PPM1H: variants seen among roughly 807,000 people sequenced by gnomAD.
The protein encoded by PPM1H is protein phosphatase, Mg2+/Mn2+ dependent 1H, also known as protein phosphatase 1H.
PPM1H carries 27 observed loss-of-function variants against 54.9 expected under a neutral mutation model. The observed-to-expected ratio is 0.49, with a 90% CI of 0.36 to 0.68. PPM1H has a LOEUF of 0.68. Among genes scored for constraint, PPM1H ranks in the 30% least tolerant of loss-of-function variants. The probability of loss-of-function intolerance (pLI) is 0.00; values close to 1 mark genes in which losing one functional copy is unlikely to be tolerated. For synonymous variants in PPM1H, 305 were observed against 270.8 expected, an observed-to-expected ratio of 1.13 and a Z score of -1.24; for missense variants, 596 against 667.8, an observed-to-expected ratio of 0.89 and a Z score of 1.19.
intron 3 of PPM1H, 193 bp from the exon 4 acceptor site, chr12:62,788,531 AGACCATCT>A: frequency 2.1e-6 from 1 of 480,216 alleles, no homozygotes; most frequent in Non-Finnish European, 3.7e-6. Flanking sequence ...GCCACATATT[AGACCATCT>A]GTGAACCAGA....
At chr12:62,905,983 AAACTAG>A in intron 1 of PPM1H, among the ~76,000 whole-genome samples, 1 of 152,320 alleles carries the variant, frequency 6.6e-6, no homozygotes, top group Middle Eastern at 3.4e-3. Context: ...TGCTTCAAAA[AAACTAG>A]AACTTGTGTG....
intron 8 of PPM1H, among the ~76,000 whole-genome samples, chr12:62,669,341 C>T (rs1279298641): frequency 6.6e-6 from 1 of 152,186 alleles, no homozygotes; most frequent in Non-Finnish European, 1.5e-5. Context: ...AGCAGAGCTT[C>T]TCAAATATTA....
intron 1 of PPM1H, among the ~76,000 whole-genome samples, chr12:62,868,598 A>T (rs1345398781): frequency 6.6e-6 from 1 of 152,188 alleles, no homozygotes; most frequent in African/African-American, 2.4e-5. Flanking sequence ...ATGAGCTCAA[A>T]TTTTAATTTT....
At position 62,703,092 on chromosome 12, in the gene PPM1H, G is replaced by A. The variant is rs944477676; in HGVS notation, c.1074-9093C>T. 3.9e-5 allele frequency among the ~76,000 whole-genome samples: 6 copies of A among 152,146 alleles called. No individual in the cohort carries two copies. The South Asian group carries it at 8.3e-4, about 21-fold the overall frequency. On this transcript the variant is annotated intron_variant, in intron 6 of 9. Coordinates refer to ENST00000228705, the MANE Select transcript of PPM1H (RefSeq NM_020700.2). The stretch of plus-strand genomic sequence containing the variant: ...ATCAGTTGTGGCTATTAAGGTCTTC[G>A]GAGCCTCATTCTTTCTTCCATGCAG...
At chr12:62,657,140 C>A (rs2075849044) in intron 9 of PPM1H, among the ~76,000 whole-genome samples, 1 of 152,146 alleles carries the variant, frequency 6.6e-6, no homozygotes, top group Non-Finnish European at 1.5e-5. Context: ...AGTTTGTGTG[C>A]TGCCAGCAGA....
chr12:62,788,554 G>A, intron 3 of PPM1H: 3 of 429,182 alleles, frequency 7.0e-6, no homozygotes, highest in Admixed American at 3.8e-5. Flanking sequence ...ACCAGAGACA[G>A]GAAACAATAG....
chr12:62,716,782 G>A (rs142796525), intron 6 of PPM1H, among the ~76,000 whole-genome samples: 6 of 151,910 alleles, frequency 3.9e-5, no homozygotes, highest in Non-Finnish European at 7.4e-5. Context: ...CTCCCATCTC[G>A]GCCTCTCAAA....
Position 62,802,032 on chromosome 12 carries a change from G to A in PPM1H, c.540C>T (p.Ile180=). 1 of 1,613,486 alleles carries A rather than the reference G, an allele frequency of 6.2e-7. No homozygotes were observed. The highest frequency in any genetic ancestry group is 1.7e-5 in the Admixed American group (1 of 60,024). ...ITEQLQDIVD[I]LKNSAVLPPT... ...GGGGCAGGACGGCGGAGTTCTTCAG[G>A]ATGTCCACGATGTCCTGCAGCTGCT... The change falls in exon 3 of 10, where the codon ATC becomes ATT. Residue 180 remains isoleucine, a synonymous_variant. Coordinates refer to ENST00000228705, the MANE Select transcript of PPM1H (RefSeq NM_020700.2).
intron 4 of PPM1H, among the ~76,000 whole-genome samples, chr12:62,769,843 GA>G (rs1487426354): frequency 6.6e-6 from 1 of 152,134 alleles, no homozygotes; most frequent in African/African-American, 2.4e-5. Flanking sequence ...ATTTAAAGGC[GA>G]AAAGTGGGCT....
chr12:62,719,285 A>G (rs1474896316), intron 6 of PPM1H, among the ~76,000 whole-genome samples: 1 of 152,220 alleles, frequency 6.6e-6, no homozygotes, highest in Non-Finnish European at 1.5e-5. Context: ...TCAATGGGGA[A>G]GAGATAAGAA....
rs66497730 is a variant in PPM1H at position 62,702,544 on chromosome 12, CAG to C, written c.1074-8547_1074-8546del. On this transcript the variant is annotated intron_variant, in intron 6 of 9. Coordinates refer to ENST00000228705, the MANE Select transcript of PPM1H (RefSeq NM_020700.2). ...TCTTCTAAGTCATGACCTTGAGCTA[CAG>C]AGAGAGAGAGAGAGAGAGAGAGAGA... Among the ~76,000 whole-genome samples, 962 of 140,644 alleles carry C rather than the reference CAG, an allele frequency of 6.8e-3. 22 individuals are homozygous for C. Among genetic ancestry groups the C allele is most frequent in the East Asian group, 0.068 (318 of 4,686 alleles). 92.3% of individuals were successfully genotyped at this position (140,644 alleles called of 152,430 possible).
chr12:62,822,863 A>G (rs1469938776), intron 2 of PPM1H, among the ~76,000 whole-genome samples: 1 of 152,190 alleles, frequency 6.6e-6, no homozygotes. Context: ...CACATTCAAA[A>G]GCTAGCAGAA....
At position 62,689,740 on chromosome 12, in the gene PPM1H, A is replaced by G; in HGVS notation, c.1204T>C (p.Ser402Pro). The change falls in exon 8 of 10, where the codon TCC becomes CCC. Residue 402 changes from serine (S) to proline (P), a missense_variant. This residue lies in a region of PPM1H where 208 missense variants were observed against 259.5 expected (regional missense o/e 0.80). Coordinates refer to ENST00000228705, the MANE Select transcript of PPM1H (RefSeq NM_020700.2). ...AGGAATGGTTTAATGTAGATGTTGG[A>G]GTCATGCACCTTCAGGTCATGGTCC... is the stretch of plus-strand genomic sequence containing the variant. Reference protein sequence around the residue: ...LGDHDLKVHDSNIYIKPFLSS... With the variant: ...LGDHDLKVHDPNIYIKPFLSS... 1 of 1,613,864 alleles carries G rather than the reference A, an allele frequency of 6.2e-7. No homozygotes were observed. The highest frequency in any genetic ancestry group is 8.5e-7 in the Non-Finnish European group (1 of 1,179,810).
chr12:62,770,978 G>A (rs1565783748), intron 4 of PPM1H, among the ~76,000 whole-genome samples: 1 of 151,716 alleles, frequency 6.6e-6, no homozygotes, highest in Non-Finnish European at 1.5e-5. Context: ...TAGGCTTCTT[G>A]TGCAGCTGAG....
At chr12:62,698,911 C>G (rs1206248955) in intron 6 of PPM1H, among the ~76,000 whole-genome samples, 2 of 152,090 alleles carry the variant, frequency 1.3e-5, no homozygotes, top group African/African-American at 4.8e-5. Context: ...TCCATTGTTC[C>G]AACTCACTGA....
intron 1 of PPM1H, among the ~76,000 whole-genome samples, chr12:62,872,597 ATGATTTCTGTGT>A: frequency 6.6e-6 from 1 of 152,356 alleles, no homozygotes; most frequent in Non-Finnish European, 1.5e-5. Context: ...TTCTAAATGC[ATGATTTCTGTGT>A]TGAAAGAATA....
chr12:62,728,244 G>A (rs751709747), intron 5 of PPM1H, among the ~76,000 whole-genome samples: 30 of 152,108 alleles, frequency 2.0e-4, no homozygotes, highest in Non-Finnish European at 3.8e-4. Context: ...AAGAGAATAC[G>A]ACATATCCTC....
intron 9 of PPM1H, 115 bp from the exon 10 acceptor site, chr12:62,648,751 C>CACTT (rs1460060487): frequency 3.5e-6 from 4 of 1,158,540 alleles, no homozygotes; most frequent in African/African-American, 3.1e-5. Flanking sequence ...GTTTCAAATA[C>CACTT]ACTTACAATA....
chr12:62,667,479 T>C, intron 8 of PPM1H, 150 bp from the exon 9 acceptor site: 7 of 700,500 alleles, frequency 1.0e-5, no homozygotes, highest in Non-Finnish European at 1.6e-5. Flanking sequence ...CAGCGAGCTG[T>C]GTGGCCAGGG....
Sources: gnomAD v4.1 joint callset for allele counts (sites outside exome capture counted in the v4.1 genomes callset) on GRCh38, gnomAD v4.1.1 for gene constraint, gnomAD v4.1.1 regional missense constraint, MANE v1.5 for transcripts, NCBI Gene and HGNC (gene_info 2026-07-23, HGNC 2026-07-21) for gene names.